SLC26A5: variants seen among roughly 807,000 people sequenced by gnomAD.
The protein encoded by SLC26A5 is prestin.
Under a neutral mutation model 81.0 loss-of-function variants are expected in SLC26A5, and 51 were observed. That is an observed-to-expected ratio of 0.63 (90% CI 0.50 to 0.80). The LOEUF is 0.80. Ranked by LOEUF, SLC26A5 falls within the 30% of genes least tolerant of loss-of-function variation. The pLI is 0.00. For missense variants in SLC26A5, 771 were observed against 905.8 expected (o/e 0.85, Z 1.91); for synonymous variants, 325 against 332.8 (o/e 0.98, Z 0.25).
intron 2 of SLC26A5, among the ~76,000 whole-genome samples, chr7:103,423,395 G>A (rs1450565807): frequency 6.6e-6 from 1 of 152,092 alleles, no homozygotes; most frequent in Non-Finnish European, 1.5e-5. Context: ...AGAAATTCTG[G>A]CAGCAAATGC....
intron 14 of SLC26A5, among the ~76,000 whole-genome samples, chr7:103,385,930 TC>T (rs1235407031): frequency 1.7e-4 from 25 of 148,758 alleles, no homozygotes; most frequent in African/African-American, 6.5e-4. Flanking sequence ...CTTTTTTCTT[TC>T]TTTCTTTTTT....
intron 4 of SLC26A5, among the ~76,000 whole-genome samples, chr7:103,418,303 A>G (rs1371858330): frequency 6.6e-6 from 1 of 152,260 alleles, no homozygotes; most frequent in East Asian, 1.9e-4. Flanking sequence ...TCAAGATGGA[A>G]GAAAGTCAGC....
At chr7:103,373,496 G>T (rs537581079), downstream of SLC26A5, among the ~76,000 whole-genome samples, 1 of 152,258 alleles carries the variant, frequency 6.6e-6, no homozygotes, top group South Asian at 2.1e-4. Context: ...TCACAAGACA[G>T]GATTCTACAG....
At position 103,413,128 on chromosome 7, in the gene SLC26A5, C is replaced by T. The variant is rs1198405827; in HGVS notation, c.293-16G>A. The T allele has an allele frequency of 1.3e-6, 2 of 1,544,690 alleles. No homozygotes were observed. Among genetic ancestry groups the T allele is most frequent in the Admixed American group, 1.7e-5 (1 of 59,842 alleles). On this transcript the variant is annotated splice_polypyrimidine_tract_variant and intron_variant, in intron 4 of 19. Transcript: ENST00000306312. Reference sequence around the variant, plus strand: ...AAGGCTAAGCCTGTGGGATTAAAAACCAAACAGAAATGGGGGATCATTAGA... The same window carrying T: ...AAGGCTAAGCCTGTGGGATTAAAAATCAAACAGAAATGGGGGATCATTAGA...
intron 9 of SLC26A5, among the ~76,000 whole-genome samples, chr7:103,395,456 G>C (rs1235912660): frequency 7.6e-6 from 1 of 131,552 alleles, no homozygotes; most frequent in Non-Finnish European, 1.6e-5. Context: ...GTGACAAGTA[G>C]ATTTATATAT....
chr7:103,380,452 C>T, intron 15 of SLC26A5, 28 bp downstream of exon 15: 1 of 1,591,804 alleles, frequency 6.3e-7, no homozygotes, highest in Non-Finnish European at 8.6e-7. Context: ...TGCTTACAAC[C>T]TTTTTAAGTG....
At chr7:103,412,050 G>A (rs1490091067) in intron 5 of SLC26A5, among the ~76,000 whole-genome samples, 1 of 152,180 alleles carries the variant, frequency 6.6e-6, no homozygotes, top group African/African-American at 2.4e-5. Context: ...CATGGAGAAA[G>A]GAAGGCAGGG....
At chr7:103,402,056 A>C (rs1333067198) in intron 8 of SLC26A5, among the ~76,000 whole-genome samples, 1 of 152,204 alleles carries the variant, frequency 6.6e-6, no homozygotes, top group Non-Finnish European at 1.5e-5. Context: ...TTTTGGTAGC[A>C]GGATGATGCT....
chr7:103,358,166 AT>A (rs753010677), intron 19 of SLC26A5, among the ~76,000 whole-genome samples: 7 of 152,178 alleles, frequency 4.6e-5, no homozygotes, highest in Admixed American at 2.6e-4. Context: ...TCCCTTCAAA[AT>A]TTTGAAGGCG....
At chr7:103,405,744 C>T (rs1265263763) in intron 8 of SLC26A5, among the ~76,000 whole-genome samples, 2 of 152,200 alleles carry the variant, frequency 1.3e-5, no homozygotes, top group African/African-American at 4.8e-5. Context: ...AGCTGGCAGA[C>T]CGGAATGTTT....
chr7:103,420,289 C>CTTTTTTTTTTTTTTT (rs35755959), intron 4 of SLC26A5, among the ~76,000 whole-genome samples: 1 of 90,578 alleles, frequency 1.1e-5, no homozygotes, highest in Non-Finnish European at 2.1e-5. Flanking sequence ...ATCCCTGGAG[C>CTTTTTTTTTTTTTTT]TTTTTTTTTT....
intron 2 of SLC26A5, among the ~76,000 whole-genome samples, chr7:103,439,539 G>T (rs1826712347): frequency 7.3e-6 from 1 of 136,820 alleles, no homozygotes; most frequent in Admixed American, 6.9e-5. Flanking sequence ...TTGTTTGTTT[G>T]TTTGTTTGTT....
intron 6 of SLC26A5, among the ~76,000 whole-genome samples, chr7:103,410,927 C>A (rs985482951): frequency 6.6e-6 from 1 of 152,146 alleles, no homozygotes; most frequent in South Asian, 2.1e-4. Flanking sequence ...CCGCGCCCAG[C>A]CTCTGGACCA....
chr7:103,423,198 G>A lies in SLC26A5; in HGVS notation c.-53-1631C>T, dbSNP rs537565278. On this transcript the variant is annotated intron_variant, in intron 2 of 19. Coordinates refer to ENST00000306312, the MANE Select transcript of SLC26A5 (RefSeq NM_198999.3). ...GAGACAGGAAAATCACTTGAACCCG[G>A]GAGGCAGAGGTTGCAGTGAGCTGAG... Among the ~76,000 whole-genome samples, 3 of 152,178 alleles carry A rather than the reference G, an allele frequency of 2.0e-5. No homozygotes were observed. The South Asian group carries it at 6.2e-4, about 32-fold the overall frequency.
At chr7:103,419,746 C>A (rs1327552252) in intron 4 of SLC26A5, among the ~76,000 whole-genome samples, 3 of 152,026 alleles carry the variant, frequency 2.0e-5, no homozygotes, top group African/African-American at 7.3e-5. Context: ...CCATGTTGGC[C>A]AGGCTGATCT....
rs747848662 is a variant in SLC26A5, at chr7:103,367,888, G to T, written c.2041+8920C>A. The T allele has an allele frequency of 3.7e-6, 6 of 1,610,754 alleles. No homozygotes were observed. The Admixed American group carries it at 1.0e-4, about 27-fold the overall frequency. On this transcript the variant is annotated intron_variant, in intron 19 of 19. Coordinates refer to the SLC26A5 transcript ENST00000339444. This position sits in a 1 kb window ranked among gnomAD's most constrained non-coding sequence, Gnocchi z 6.1. ...AATTAAGCCCGTTTATTTTCTTTTT[G>T]TTTGAAAGGTGCTGAGATTAGAAGC... is the stretch of plus-strand genomic sequence containing the variant.
At chr7:103,362,681 CT>C in intron 19 of SLC26A5, 1 of 1,598,128 alleles carries the variant, frequency 6.3e-7, no homozygotes. Flanking sequence ...TTTTTACTTC[CT>C]TAGCGTGGAT....
At chr7:103,363,382 T>G in intron 19 of SLC26A5, 5 of 1,614,090 alleles carry the variant, frequency 3.1e-6, no homozygotes, top group Non-Finnish European at 4.2e-6. Context: ...GTGATGTTGG[T>G]GGCTGTAAGG....
At chr7:103,393,578 TGTG>T (rs1177159277) in intron 9 of SLC26A5, among the ~76,000 whole-genome samples, 42 of 151,684 alleles carry the variant, frequency 2.8e-4, no homozygotes, top group Non-Finnish European at 4.7e-4. Flanking sequence ...TGTGTGTGTG[TGTG>T]TGTGTGTGTG....
Sources: gnomAD v4.1 joint callset for allele counts (sites outside exome capture counted in the v4.1 genomes callset) on GRCh38, gnomAD v4.1.1 for gene constraint, Gnocchi (gnomAD v3.1) non-coding constraint, MANE v1.5 for transcripts, NCBI Gene and HGNC (gene_info 2026-07-23, HGNC 2026-07-21) for gene names.